Variants in ANXA8 observed in about 807,000 individuals in gnomAD.
The protein encoded by ANXA8 is annexin A8.
Under a neutral mutation model 26.8 loss-of-function variants are expected in ANXA8, and 9 were observed. The observed-to-expected ratio is 0.34, with a 90% CI of 0.20 to 0.59. The LOEUF is 0.59. Among genes scored for constraint, ANXA8 ranks in the 20% least tolerant of loss-of-function variants. The pLI is 0.84. For missense variants in ANXA8, 83 were observed against 238.5 expected (o/e 0.35, Z 4.29); for synonymous variants, 39 against 94.8 (o/e 0.41, Z 3.42).
chr10:47,627,278 T>C, the ANXA8 span, among the ~76,000 whole-genome samples: 1 of 150,066 alleles, frequency 6.7e-6, no homozygotes, highest in Admixed American at 6.6e-5. Context: ...AAACCCAGTT[T>C]CTATTTTTCT....
the ANXA8 span, among the ~76,000 whole-genome samples, chr10:47,701,414 C>G: frequency 1.3e-4 from 20 of 151,896 alleles, no homozygotes; most frequent in African/African-American, 3.9e-4. Context: ...ATACATATCA[C>G]AAGGTTATTC....
the ANXA8 span, among the ~76,000 whole-genome samples, chr10:47,560,867 G>A: frequency 2.6e-5 from 4 of 151,906 alleles, no homozygotes; most frequent in African/African-American, 9.7e-5. Context: ...GTGGAGTGCA[G>A]TGACCTGAGC....
At chr10:47,521,280 G>C in the ANXA8 span, among the ~76,000 whole-genome samples, 2 of 136,968 alleles carry the variant, frequency 1.5e-5, no homozygotes, top group South Asian at 4.5e-4. Context: ...ACATCCATCA[G>C]GCTTTCCAAA....
chr10:47,687,193 G>A, the ANXA8 span, among the ~76,000 whole-genome samples: 2 of 151,738 alleles, frequency 1.3e-5, no homozygotes, highest in African/African-American at 2.4e-5. Flanking sequence ...CCAAAGATCT[G>A]ATGGAGGAGA....
chr10:47,950,700 T>C, the ANXA8 span, among the ~76,000 whole-genome samples: 27 of 150,912 alleles, frequency 1.8e-4, 1 homozygote, highest in African/African-American at 6.6e-4. Flanking sequence ...CCCCAAGTAT[T>C]TGGAAACTGA....
At chr10:47,556,687 G>C in the ANXA8 span, among the ~76,000 whole-genome samples, 105 of 151,940 alleles carry the variant, frequency 6.9e-4, no homozygotes, top group Middle Eastern at 3.4e-3. Flanking sequence ...GTCACAAGTG[G>C]TAGTCAAGGG....
the ANXA8 span, chr10:47,973,057 T>C: frequency 2.0e-5 from 3 of 147,980 alleles, no homozygotes; most frequent in African/African-American, 7.4e-5. Context: ...TCACTTCCAT[T>C]GTAGGATCAT....
the ANXA8 span, among the ~76,000 whole-genome samples, chr10:47,974,067 C>T: frequency 6.6e-6 from 1 of 150,800 alleles, no homozygotes; most frequent in Non-Finnish European, 1.5e-5. Context: ...TAGAATTACT[C>T]ACAGTATTTT....
In ANXA8 at chr10:47,474,024, C is replaced by T; in HGVS notation, c.688G>A (p.Asp230Asn). The change falls in exon 9 of 12, where the codon GAC becomes AAC. Residue 230 changes from aspartate to asparagine, a missense_variant. This residue lies in a region of ANXA8 where 28 missense variants were observed against 37.7 expected (regional missense o/e 0.74). Coordinates refer to ENST00000585281, the MANE Select transcript of ANXA8 (RefSeq NM_001040084.3). ...YEKIANKSIE[D>N]SIKSETHGSL... ...CCATGGGTCTCACTCTTGATGCTGT[C>T]CTCAATGCTCTTGTTGGCAATTTTC... 1.8e-6 allele frequency: 1 copy of T among 555,420 alleles called. No homozygotes were observed. The highest frequency in any genetic ancestry group is 3.1e-6 in the Non-Finnish European group (1 of 324,102). The allele number at this position is 555,420 out of a possible 1,614,324, so 34.4% of individuals were successfully genotyped here. A position where few individuals can be genotyped will look rare whatever the true frequency, so the allele number is the denominator to read the frequency against.
the ANXA8 span, among the ~76,000 whole-genome samples, chr10:47,713,963 G>T: frequency 1.2e-4 from 1 of 8,016 alleles, no homozygotes; most frequent in Admixed American, 1.1e-3. Context: ...ATAGAGGTTT[G>T]CTGTAATAAT....
chr10:47,733,231 C>CTTTCTTTCTTTCTT, the ANXA8 span, among the ~76,000 whole-genome samples: 26 of 75,044 alleles, frequency 3.5e-4, no homozygotes, highest in East Asian at 1.5e-3. Flanking sequence ...CTCTTTCTTT[C>CTTTCTTTCTTTCTT]TCTCTTTCTT....
the ANXA8 span, among the ~76,000 whole-genome samples, chr10:47,563,133 A>AGGT: frequency 1.3e-5 from 1 of 79,826 alleles, no homozygotes; most frequent in African/African-American, 5.4e-5. Context: ...CAGGAGGCTG[A>AGGT]GGTGGGAGGA....
the ANXA8 span, among the ~76,000 whole-genome samples, chr10:47,639,298 A>AATTATTATT: frequency 1.3e-5 from 1 of 74,224 alleles, no homozygotes; most frequent in Non-Finnish European, 2.8e-5. Context: ...ACGCCCGGCT[A>AATTATTATT]ATTATTATTA....
chr10:47,704,678 T>C, the ANXA8 span, among the ~76,000 whole-genome samples: 3 of 151,818 alleles, frequency 2.0e-5, no homozygotes, highest in Admixed American at 2.0e-4. Context: ...AATGTGAAAA[T>C]TTAGCAAAGT....
At chr10:47,533,223 A>ACACACCC in the ANXA8 span, among the ~76,000 whole-genome samples, 1 of 139,086 alleles carries the variant, frequency 7.2e-6, no homozygotes, top group African/African-American at 2.8e-5. Flanking sequence ...ACACACACAC[A>ACACACCC]CCCCCGCAGA....
chr10:47,960,449 G>A, the ANXA8 span, among the ~76,000 whole-genome samples: 2 of 148,164 alleles, frequency 1.3e-5, no homozygotes. Context: ...GAAGGAGGGA[G>A]CCAGCATTTC....
At chr10:47,651,885 A>T in the ANXA8 span, among the ~76,000 whole-genome samples, 2 of 151,254 alleles carry the variant, frequency 1.3e-5, no homozygotes, top group Non-Finnish European at 2.9e-5. Flanking sequence ...TAAGAGCGAA[A>T]CTTTGTCTCA....
chr10:47,700,899 T>C, the ANXA8 span, among the ~76,000 whole-genome samples: 1 of 150,334 alleles, frequency 6.7e-6, no homozygotes, highest in Non-Finnish European at 1.5e-5. Flanking sequence ...CTGGGCAACA[T>C]AGTGAGACCC....
At chr10:47,599,346 T>A in the ANXA8 span, among the ~76,000 whole-genome samples, 3 of 144,986 alleles carry the variant, frequency 2.1e-5, no homozygotes, top group Non-Finnish European at 4.5e-5. Context: ...AAACTGTTGA[T>A]AAGGTGAGTT....
Sources: allele counts gnomAD v4.1 joint callset (sites outside exome capture counted in the v4.1 genomes callset), GRCh38; gene constraint gnomAD v4.1.1; regional missense constraint gnomAD v4.1.1; transcripts MANE v1.5; gene names NCBI Gene and HGNC (gene_info 2026-07-23, HGNC 2026-07-21).